DGKE: variants seen among roughly 807,000 people sequenced by gnomAD.
DGKE encodes diacylglycerol kinase epsilon, also known as DAG kinase epsilon.
DGKE carries 53 observed loss-of-function variants against 70.0 expected under a neutral mutation model. That is an observed-to-expected ratio of 0.76 (90% CI 0.61 to 0.95). The LOEUF (loss-of-function observed/expected upper bound fraction) is 0.95, where lower values mean the gene tolerates loss of function less well. Ranked by LOEUF, DGKE falls within the 40% of genes least tolerant of loss-of-function variation. DGKE has a pLI of 0.00. For synonymous variants in DGKE, 291 were observed against 257.0 expected (o/e 1.13, Z -1.27); for missense variants, 655 against 706.9 (o/e 0.93, Z 0.83).
chr17:56,857,720 A>T (rs932628241), intron 8 of DGKE, among the ~76,000 whole-genome samples: 2 of 152,328 alleles, frequency 1.3e-5, no homozygotes, highest in Admixed American at 1.3e-4. Flanking sequence ...TCTAATTCGA[A>T]TATTTTTCTT....
intron 11 of DGKE, 131 bp downstream of exon 11, chr17:56,862,382 A>G (rs1908348845): frequency 1.1e-6 from 1 of 930,068 alleles, no homozygotes; most frequent in Admixed American, 2.5e-5. Flanking sequence ...ACTGTACACT[A>G]GCGGCTAGAG....
At chr17:56,854,321 T>G (rs930082997) in intron 7 of DGKE, among the ~76,000 whole-genome samples, 6 of 149,518 alleles carry the variant, frequency 4.0e-5, no homozygotes, top group African/African-American at 1.5e-4. Flanking sequence ...TTGTTTTTTG[T>G]TTTTTTTGTG....
intron 7 of DGKE, among the ~76,000 whole-genome samples, chr17:56,852,397 A>G (rs536396218): frequency 7.2e-6 from 1 of 139,806 alleles, no homozygotes; most frequent in Non-Finnish European, 1.5e-5. Flanking sequence ...TGGGCGACAG[A>G]GCAAGACTCT....
intron 2 of DGKE, among the ~76,000 whole-genome samples, chr17:56,840,627 G>A (rs934077870): frequency 2.0e-5 from 3 of 152,116 alleles, no homozygotes; most frequent in Non-Finnish European, 2.9e-5. Context: ...TGATCCGCCC[G>A]CCTGGCCTCC....
At chr17:56,846,258 A>G (rs72837375) in intron 4 of DGKE, 18,345 of 152,776 alleles carry the variant, frequency 0.12, 1,228 homozygotes, top group South Asian at 0.15. Context: ...AACTACTGAT[A>G]CGTATATATT....
chr17:56,836,481 A>G (rs1369249367), intron 2 of DGKE: 4 of 152,116 alleles, frequency 2.6e-5, no homozygotes, highest in Admixed American at 6.5e-5. Flanking sequence ...GTATTGTTCT[A>G]TTTCCTTCCC....
chr17:56,853,330 A>G (rs915645871), intron 7 of DGKE, among the ~76,000 whole-genome samples: 1 of 152,114 alleles, frequency 6.6e-6, no homozygotes, highest in Non-Finnish European at 1.5e-5. Context: ...TTTATTGCCT[A>G]TGCTTTTGAG....
rs777967354 is a variant in DGKE, at chr17:56,864,772, A to G, written c.*1981A>G. The G allele has an allele frequency of 3.3e-5, 5 of 152,134 alleles. No individual in the cohort carries two copies. Among genetic ancestry groups the G allele is most frequent in the Admixed American group, 1.3e-4 (2 of 15,266 alleles). The allele number at this position is 152,134 out of a possible 1,614,324, so 9.4% of individuals were successfully genotyped here. A position where few individuals can be genotyped will look rare whatever the true frequency, so the allele number is the denominator to read the frequency against. ...TGCTAATTGTAGTAGAAGCAAATCAATTTAGGATGTTGGAACGAAAATAAT... is the reference window on the plus strand; with the variant it reads ...TGCTAATTGTAGTAGAAGCAAATCAGTTTAGGATGTTGGAACGAAAATAAT... On this transcript the variant is annotated 3_prime_UTR_variant, in exon 12 of 12. Transcript: ENST00000284061.
intron 7 of DGKE, among the ~76,000 whole-genome samples, chr17:56,856,114 C>T (rs1907930186): frequency 6.6e-6 from 1 of 151,690 alleles, no homozygotes; most frequent in South Asian, 2.1e-4. Flanking sequence ...CCAGGCCGCA[C>T]TGGGAAGTAA....
rs1250793864 is a variant in DGKE at position 56,865,642 on chromosome 17, A to G, written c.*2851A>G. ...TTTATAATCAAAATTATTTATTTTTATTTTTTTAGAGTATGTCAAAAACAT... is the reference window on the plus strand; with the variant it reads ...TTTATAATCAAAATTATTTATTTTTGTTTTTTTAGAGTATGTCAAAAACAT... On this transcript the variant is annotated 3_prime_UTR_variant, in exon 12 of 12. Coordinates refer to ENST00000284061, the MANE Select transcript of DGKE (RefSeq NM_003647.3). 2 of 152,046 alleles carry G rather than the reference A, an allele frequency of 1.3e-5. No homozygotes were observed. The highest frequency in any genetic ancestry group is 2.9e-5 in the Non-Finnish European group (2 of 67,984). The allele number at this position is 152,046 out of a possible 1,614,324, so 9.4% of individuals were successfully genotyped here. A position where few individuals can be genotyped will look rare whatever the true frequency, so the allele number is the denominator to read the frequency against.
chr17:56,861,279 A>AT (rs36078272), intron 9 of DGKE, among the ~76,000 whole-genome samples: 107,863 of 151,952 alleles, frequency 0.71, 38,673 homozygotes, highest in East Asian at 0.91. Flanking sequence ...GGAGGGGAAG[A>AT]TGTTACTCTT....
rs1907455428 is a variant in DGKE at position 56,848,618 on chromosome 17, C to G, written c.889-78C>G. 7 of 1,455,404 alleles carry G rather than the reference C, an allele frequency of 4.8e-6. 1 individual carries two copies. In the South Asian group the frequency reaches 4.9e-5, roughly 10 times the overall value. The allele number at this position is 1,455,404 out of a possible 1,614,324, so 90.2% of individuals were successfully genotyped here. ...ATATTTGTATCCTTACTGTTTTGGT[C>G]TTATTAAATTTTACAAAATATTATT... On this transcript the variant is annotated intron_variant, in intron 5 of 11. Coordinates refer to ENST00000284061, the MANE Select transcript of DGKE (RefSeq NM_003647.3).
At chr17:56,851,152 G>A (rs1444930630) in intron 7 of DGKE, among the ~76,000 whole-genome samples, 2 of 152,150 alleles carry the variant, frequency 1.3e-5, no homozygotes, top group African/African-American at 2.4e-5. Context: ...CACTCAGAGA[G>A]CAGTAGTATA....
intron 2 of DGKE, among the ~76,000 whole-genome samples, chr17:56,840,652 A>G (rs775439982): frequency 1.2e-4 from 18 of 152,198 alleles, no homozygotes; most frequent in Non-Finnish European, 1.8e-4. Context: ...TCCTGGGATT[A>G]TACGCATGCC....
At chr17:56,851,271 C>G (rs149043586) in intron 7 of DGKE, among the ~76,000 whole-genome samples, 2 of 152,292 alleles carry the variant, frequency 1.3e-5, no homozygotes, top group East Asian at 3.9e-4. Flanking sequence ...TCCCCAACTT[C>G]ACATGGTCAT....
intron 7 of DGKE, among the ~76,000 whole-genome samples, chr17:56,856,082 T>C (rs186763817): frequency 2.6e-5 from 4 of 150,956 alleles, no homozygotes; most frequent in African/African-American, 7.3e-5. Context: ...AGTACAGTCA[T>C]TGAAATGATT....
intron 1 of DGKE, 57 bp downstream of exon 1, chr17:56,834,317 A>C: frequency 6.3e-6 from 1 of 159,022 alleles, no homozygotes. Flanking sequence ...GAGAGGGGCT[A>C]GGGTCGCCGG....
Position 56,849,151 on chromosome 17 carries a change from G to A in DGKE, c.1047-30G>A, listed in dbSNP as rs564728971. 74 of 1,588,848 alleles carry A rather than the reference G, an allele frequency of 4.7e-5. 1 individual carries two copies. The South Asian group carries it at 5.8e-4, about 12-fold the overall frequency. Reference sequence around the variant, plus strand: ...CAGAGTATGGGGTTTATTGTAAAACGTGCTGTTTTTTTTAACTTCTGTTTT... The same window carrying A: ...CAGAGTATGGGGTTTATTGTAAAACATGCTGTTTTTTTTAACTTCTGTTTT... On this transcript the variant is annotated intron_variant, in intron 6 of 11. Transcript: ENST00000284061.
intron 2 of DGKE, among the ~76,000 whole-genome samples, chr17:56,841,020 G>A (rs7210030): frequency 0.71 from 107,220 of 151,802 alleles, 38,314 homozygotes; most frequent in East Asian, 0.91. Context: ...TTGGGAGGCC[G>A]AGGCAGACTG....
Sources: allele counts gnomAD v4.1 joint callset (sites outside exome capture counted in the v4.1 genomes callset), GRCh38; gene constraint gnomAD v4.1.1; transcripts MANE v1.5; gene names NCBI Gene and HGNC (gene_info 2026-07-23, HGNC 2026-07-21).